The following TP63 variants were observed in gnomAD, a reference collection of about 807,000 sequenced individuals.
TP63 encodes the protein tumor protein p63.
Under a neutral mutation model 82.8 loss-of-function variants are expected in TP63, and 17 were observed. The ratio of observed to expected loss-of-function variants is 0.21; its 90% CI spans 0.14 to 0.31. TP63 has a LOEUF of 0.31. TP63 is among the 10% of genes least tolerant of loss of function. TP63 has a pLI of 1.00. For missense variants in TP63, 648 were observed against 895.3 expected, an observed-to-expected ratio of 0.72 and a Z score of 3.52; for synonymous variants, 330 against 321.7, an observed-to-expected ratio of 1.03 and a Z score of -0.28.
At chr3:189,880,639 G>C in intron 10 of TP63, 5 of 985,638 alleles carry the variant, frequency 5.1e-6, no homozygotes, top group Non-Finnish European at 6.0e-6. Flanking sequence ...GCATAAGTAA[G>C]TTGTAGGTGA....
At chr3:189,683,206 A>G (rs1406648772) in intron 1 of TP63, among the ~76,000 whole-genome samples, 1 of 152,206 alleles carries the variant, frequency 6.6e-6, no homozygotes, top group Non-Finnish European at 1.5e-5. Flanking sequence ...TGAATATTAG[A>G]TAACTATGTG....
intron 9 of TP63, 142 bp from the exon 10 acceptor site, chr3:189,872,717 G>GTGT (rs1307841770): frequency 2.3e-6 from 3 of 1,294,384 alleles, no homozygotes; most frequent in Non-Finnish European, 3.2e-6. Context: ...AGGGCCAAGA[G>GTGT]TGTTGATTTT....
At chr3:189,748,174 C>T (rs1362276841) in intron 3 of TP63, among the ~76,000 whole-genome samples, 3 of 151,874 alleles carry the variant, frequency 2.0e-5, no homozygotes, top group Non-Finnish European at 2.9e-5. Flanking sequence ...TATTTAACAT[C>T]GTACTGAAAA....
chr3:189,726,546 A>G (rs1018073179), intron 1 of TP63, among the ~76,000 whole-genome samples: 4 of 152,198 alleles, frequency 2.6e-5, no homozygotes, highest in African/African-American at 9.7e-5. Context: ...GTGATATATC[A>G]TGCTTTATGA....
intron 10 of TP63, chr3:189,881,060 T>G: frequency 1.0e-6 from 1 of 985,428 alleles, no homozygotes; most frequent in Non-Finnish European, 1.2e-6. Context: ...AAAATAGAAT[T>G]TGAAGCCCTC....
chr3:189,724,887 G>A (rs1314571662), intron 1 of TP63, among the ~76,000 whole-genome samples: 2 of 152,138 alleles, frequency 1.3e-5, no homozygotes, highest in East Asian at 3.8e-4. Flanking sequence ...ATGGGGGTAC[G>A]GGAGAGACTA....
At chr3:189,656,118 G>A (rs1233445496) in intron 1 of TP63, among the ~76,000 whole-genome samples, 1 of 152,092 alleles carries the variant, frequency 6.6e-6, no homozygotes, top group East Asian at 1.9e-4. Context: ...ATCCTTAATT[G>A]GCCTGAAAGA....
chr3:189,617,776 C>T, the TP63 span, among the ~76,000 whole-genome samples: 7 of 152,268 alleles, frequency 4.6e-5, no homozygotes, highest in African/African-American at 1.4e-4. Flanking sequence ...ACTCCAAAGG[C>T]CAGGACACAA....
At chr3:189,790,321 C>T (rs1021466177) in intron 3 of TP63, among the ~76,000 whole-genome samples, 1 of 151,956 alleles carries the variant, frequency 6.6e-6, no homozygotes, top group Non-Finnish European at 1.5e-5. Flanking sequence ...AAGCCATCTT[C>T]GTTTTTAAGT....
the TP63 span, among the ~76,000 whole-genome samples, chr3:189,612,179 C>T: frequency 6.6e-6 from 1 of 151,816 alleles, no homozygotes. Flanking sequence ...GGACTGTGTT[C>T]CTTTGGGAAG....
At chr3:189,665,793 C>T (rs1416057035) in intron 1 of TP63, among the ~76,000 whole-genome samples, 4 of 152,150 alleles carry the variant, frequency 2.6e-5, no homozygotes, top group East Asian at 3.9e-4. Context: ...CCTACAGCCA[C>T]GACATTTAGG....
intron 1 of TP63, among the ~76,000 whole-genome samples, chr3:189,686,588 GAATAAATA>G (rs369758977): frequency 1.8e-4 from 27 of 147,202 alleles, no homozygotes; most frequent in African/African-American, 6.0e-4. Flanking sequence ...AGTGGAAAAA[GAATAAATA>G]AATAAATAAA....
rs533720174 is a variant in TP63 at position 189,638,574 on chromosome 3, C to G, written c.62+6997C>G. Among the ~76,000 whole-genome samples the G allele has an allele frequency of 3.9e-5, 6 of 152,148 alleles. 1 individual carries two copies. The highest frequency in any genetic ancestry group is 3.9e-4 in the East Asian group (2 of 5,166). On this transcript the variant is annotated intron_variant, in intron 1 of 13. Coordinates refer to ENST00000264731, the MANE Select transcript of TP63 (RefSeq NM_003722.5). ...GATGGCAGCTCTAAAATTTTGAAGG[C>G]CAAATTTAGATCCAGGAAACACAGG...
rs1721379155 is a variant in TP63, at chr3:189,895,203, A to G, written c.*701A>G. The G allele has an allele frequency of 4.5e-6, 1 of 221,412 alleles. No homozygotes were observed. The highest frequency in any genetic ancestry group is 9.0e-6 in the Non-Finnish European group (1 of 110,706). The allele number at this position is 221,412 out of a possible 1,614,324, so 13.7% of individuals were successfully genotyped here. ...TATATTACTGACATTTCTTCTAGTG[A>G]TGATGGTTCACGTTGGGGTGATTTA... On this transcript the variant is annotated 3_prime_UTR_variant, in exon 14 of 14. Transcript: ENST00000264731.
chr3:189,826,438 G>T (rs1036859972), intron 4 of TP63, among the ~76,000 whole-genome samples: 1 of 152,066 alleles, frequency 6.6e-6, no homozygotes, highest in African/African-American at 2.4e-5. Flanking sequence ...TATATTTTTT[G>T]TTTTATTTTT....
intron 3 of TP63, among the ~76,000 whole-genome samples, chr3:189,780,901 CTCT>C (rs1338175507): frequency 2.6e-5 from 4 of 152,140 alleles, no homozygotes; most frequent in Admixed American, 6.5e-5. Flanking sequence ...CATGTTGATT[CTCT>C]TCTTCTTCTT....
chr3:189,643,221 G>A (rs1468352738), intron 1 of TP63, among the ~76,000 whole-genome samples: 14 of 151,896 alleles, frequency 9.2e-5, no homozygotes, highest in African/African-American at 2.7e-4. Flanking sequence ...GGCTGGTCTC[G>A]AACTCCTGAC....
chr3:189,727,895 T>TTTTAAACATAA (rs1327828092), intron 1 of TP63, among the ~76,000 whole-genome samples: 1 of 152,256 alleles, frequency 6.6e-6, no homozygotes, highest in East Asian at 1.9e-4. Flanking sequence ...AATGACATTT[T>TTTTAAACATAA]AAACAAGATA....
chr3:189,737,710 T>C (rs1028705492), intron 1 of TP63, 30 bp from the exon 2 acceptor site: 1 of 1,610,442 alleles, frequency 6.2e-7, no homozygotes, highest in African/African-American at 1.3e-5. Flanking sequence ...ACAGAAAGTA[T>C]AATACTAGTT....
Sources: gnomAD v4.1 joint callset for allele counts (sites outside exome capture counted in the v4.1 genomes callset) on GRCh38, gnomAD v4.1.1 for gene constraint, MANE v1.5 for transcripts, NCBI Gene and HGNC (gene_info 2026-07-23, HGNC 2026-07-21) for gene names.